The following ZMIZ1 variants were observed in gnomAD, a reference collection of about 807,000 sequenced individuals.
ZMIZ1 encodes zinc finger MIZ domain-containing protein 1.
A neutral mutation model predicts 113.9 loss-of-function variants in ZMIZ1; 17 were observed. The ratio of observed to expected loss-of-function variants is 0.15; its 90% CI spans 0.10 to 0.22. The LOEUF (loss-of-function observed/expected upper bound fraction) is 0.22, where lower values mean the gene tolerates loss of function less well. Ranked by LOEUF, ZMIZ1 falls within the 10% of genes least tolerant of loss-of-function variation. The pLI, the probability that ZMIZ1 is intolerant of heterozygous loss-of-function variation, is 1.00. For synonymous variants in ZMIZ1, 607 were observed against 603.1 expected (o/e 1.01, Z -0.09); for missense variants, 1,059 against 1,477.8 (o/e 0.72, Z 4.65).
intron 7 of ZMIZ1, among the ~76,000 whole-genome samples, chr10:79,273,853 A>C (rs1852096284): frequency 6.6e-6 from 1 of 152,280 alleles, no homozygotes; most frequent in Admixed American, 6.5e-5. Flanking sequence ...ACAGCTGTGC[A>C]AGTGATGTGT....
chr10:79,140,902 C>T (rs1291892754), intron 3 of ZMIZ1, among the ~76,000 whole-genome samples: 1 of 152,144 alleles, frequency 6.6e-6, no homozygotes, highest in Non-Finnish European at 1.5e-5. Flanking sequence ...CCCACCTCAG[C>T]CTCCCGTGTA....
chr10:79,217,144 C>T (rs1169152419), intron 7 of ZMIZ1, among the ~76,000 whole-genome samples: 2 of 152,216 alleles, frequency 1.3e-5, no homozygotes, highest in Non-Finnish European at 2.9e-5. Context: ...AAAGTGCAGG[C>T]CGGGCGCGGT....
intron 1 of ZMIZ1, among the ~76,000 whole-genome samples, chr10:79,074,290 C>T (rs1431310025): frequency 6.6e-6 from 1 of 152,178 alleles, no homozygotes; most frequent in East Asian, 1.9e-4. Context: ...CAGCCAGGCT[C>T]GGACACGGTG....
chr10:79,100,242 G>A (rs1843312964), intron 1 of ZMIZ1, among the ~76,000 whole-genome samples: 1 of 152,000 alleles, frequency 6.6e-6, no homozygotes, highest in African/African-American at 2.4e-5. Context: ...GGGCATTCAA[G>A]GAGGGCCTCC....
At chr10:79,205,125 A>G (rs151058963) in intron 5 of ZMIZ1, among the ~76,000 whole-genome samples, 4 of 152,340 alleles carry the variant, frequency 2.6e-5, no homozygotes, top group East Asian at 1.9e-4. Flanking sequence ...AGCAGACTCA[A>G]TGGCATTGGA....
chr10:79,177,471 G>A (rs907576810), intron 4 of ZMIZ1, among the ~76,000 whole-genome samples: 18 of 152,190 alleles, frequency 1.2e-4, no homozygotes, highest in African/African-American at 7.2e-5. Flanking sequence ...ACCCAGACCC[G>A]TTAGTCCTCG....
At chr10:79,237,788 T>C (rs1589461858) in intron 7 of ZMIZ1, among the ~76,000 whole-genome samples, 1 of 152,342 alleles carries the variant, frequency 6.6e-6, no homozygotes, top group Non-Finnish European at 1.5e-5. Flanking sequence ...CACAGTTCAC[T>C]CCCTAACACC....
chr10:79,298,042 T>C (rs567693208), intron 14 of ZMIZ1, among the ~76,000 whole-genome samples: 1 of 152,302 alleles, frequency 6.6e-6, no homozygotes, highest in South Asian at 2.1e-4. Context: ...GAAGCCCACC[T>C]GCTCGGGTGA....
intron 12 of ZMIZ1, 113 bp downstream of exon 12, chr10:79,293,766 A>C: frequency 6.6e-7 from 1 of 1,520,146 alleles, no homozygotes; most frequent in East Asian, 2.3e-5. Flanking sequence ...GCACACTTGG[A>C]CAAAGAGGCA....
At chr10:79,160,657 C>T (rs902392268) in intron 3 of ZMIZ1, among the ~76,000 whole-genome samples, 1 of 152,268 alleles carries the variant, frequency 6.6e-6, no homozygotes, top group Non-Finnish European at 1.5e-5. Flanking sequence ...AATCACCAGG[C>T]CTCTTTGCCT....
At position 79,183,612 on chromosome 10, in the gene ZMIZ1, C is replaced by T. The variant is rs551118147; in HGVS notation, c.-49-17972C>T. On this transcript the variant is annotated intron_variant, in intron 4 of 24. Transcript: ENST00000334512. ...TACGAGCGTGAGCTCTGAAGTCTGC[C>T]TGGTTGGGTTCAAACATTGGCACTG... Among the ~76,000 whole-genome samples, 6 of 152,272 alleles carry T rather than the reference C, an allele frequency of 3.9e-5. No homozygotes were observed. In the East Asian group the frequency reaches 9.7e-4, roughly 25 times the overall value.
intron 4 of ZMIZ1, among the ~76,000 whole-genome samples, chr10:79,201,222 C>T (rs548945444): frequency 6.6e-6 from 1 of 152,284 alleles, no homozygotes; most frequent in East Asian, 1.9e-4. Flanking sequence ...GCAGGAGAAT[C>T]GCTTGAACCT....
chr10:79,256,495 G>A (rs1453342868), intron 7 of ZMIZ1, among the ~76,000 whole-genome samples: 2 of 152,218 alleles, frequency 1.3e-5, no homozygotes, highest in Non-Finnish European at 2.9e-5. Flanking sequence ...CCAGCTGGAG[G>A]CCACAGTCCA....
chr10:79,072,832 T>C (rs925390940), intron 1 of ZMIZ1, among the ~76,000 whole-genome samples: 13 of 152,252 alleles, frequency 8.5e-5, no homozygotes, highest in Non-Finnish European at 1.6e-4. Context: ...CCCAGGACAC[T>C]GCTGCAGCCT....
chr10:79,133,598 C>T (rs573753664), intron 2 of ZMIZ1, among the ~76,000 whole-genome samples: 3 of 152,148 alleles, frequency 2.0e-5, no homozygotes. Context: ...CCATTCCTAG[C>T]GACGCATGCC....
At chr10:79,080,264 C>A (rs184304472) in intron 1 of ZMIZ1, among the ~76,000 whole-genome samples, 78 of 151,356 alleles carry the variant, frequency 5.2e-4, no homozygotes, top group Middle Eastern at 3.4e-3. Flanking sequence ...CCCTGCGCCT[C>A]AGATCCTGGG....
chr10:79,283,765 C>T (rs1852889313), intron 8 of ZMIZ1, among the ~76,000 whole-genome samples: 1 of 152,308 alleles, frequency 6.6e-6, no homozygotes, highest in Middle Eastern at 3.4e-3. Context: ...TTTTAACACC[C>T]TCTAATATGC....
At chr10:79,200,984 A>G (rs1848055208) in intron 4 of ZMIZ1, among the ~76,000 whole-genome samples, 1 of 152,176 alleles carries the variant, frequency 6.6e-6, no homozygotes, top group South Asian at 2.1e-4. Flanking sequence ...CACCCCCTCC[A>G]CCACCCAAAA....
At chr10:79,256,024 A>C (rs1183810561) in intron 7 of ZMIZ1, among the ~76,000 whole-genome samples, 1 of 152,216 alleles carries the variant, frequency 6.6e-6, no homozygotes, top group African/African-American at 2.4e-5. Context: ...TCCTGGTGGC[A>C]GAGGGTCCCC....
Sources: allele counts gnomAD v4.1 joint callset (sites outside exome capture counted in the v4.1 genomes callset), GRCh38; gene constraint gnomAD v4.1.1; transcripts MANE v1.5; gene names NCBI Gene and HGNC (gene_info 2026-07-23, HGNC 2026-07-21).